GREB1: variants seen among roughly 807,000 people sequenced by gnomAD.
GREB1 encodes the protein protein GREB1.
In GREB1, 106 loss-of-function variants were observed where a neutral mutation model predicts 200.7. That is an observed-to-expected ratio of 0.53 (90% CI 0.45 to 0.62). GREB1 has a LOEUF of 0.62. Ranked by LOEUF, GREB1 falls within the 20% of genes least tolerant of loss-of-function variation. The pLI is 0.00. For synonymous variants in GREB1, 1,132 were observed against 1,092.4 expected (o/e 1.04, Z -0.72); for missense variants, 2,243 against 2,556.8 (o/e 0.88, Z 2.65).
At chr2:11,591,645 C>T (rs747999224) in intron 10 of GREB1, 2 of 581,624 alleles carry the variant, frequency 3.4e-6, no homozygotes, top group Non-Finnish European at 6.2e-6. Flanking sequence ...TCTTGGGAAG[C>T]AATCTGATGA....
At position 11,638,757 on chromosome 2, in the gene GREB1, C is replaced by G; in HGVS notation, c.5634C>G (p.Leu1878=). The change falls in exon 32 of 33, where the codon CTC becomes CTG. Residue 1878 remains leucine, a synonymous_variant. Coordinates refer to ENST00000381486, the MANE Select transcript of GREB1 (RefSeq NM_014668.4). ...TGTTCAGTGGGCTGCTGCTGTACCT[C>G]TGTGACTCTTTTGTGGGAGCTAGCT... ...DLLFSGLLLY[L]CDSFVGASFL... 1.9e-6 allele frequency: 3 copies of G among 1,614,220 alleles called. No homozygotes were observed. The highest frequency in any genetic ancestry group is 2.5e-6 in the Non-Finnish European group (3 of 1,180,040).
chr2:11,605,118 C>A (rs1328725880), intron 17 of GREB1, among the ~76,000 whole-genome samples: 1 of 117,216 alleles, frequency 8.5e-6, no homozygotes, highest in African/African-American at 3.0e-5. Context: ...GGGGTACTGT[C>A]TGGAGCTGGG....
At chr2:11,632,164 C>A in intron 27 of GREB1, 51 bp downstream of exon 27, 2 of 1,311,358 alleles carry the variant, frequency 1.5e-6, no homozygotes, top group Non-Finnish European at 2.2e-6. Context: ...TGAACGAACA[C>A]TTGAGAGAGT....
chr2:11,520,025 C>CTA (rs1409738929), intron 1 of GREB1, among the ~76,000 whole-genome samples: 1 of 152,024 alleles, frequency 6.6e-6, no homozygotes, highest in East Asian at 1.9e-4. Context: ...GTGGTCCCAG[C>CTA]TACGCAAGAG....
At chr2:11,522,124 T>A (rs1318824395) in intron 1 of GREB1, among the ~76,000 whole-genome samples, 4 of 152,190 alleles carry the variant, frequency 2.6e-5, no homozygotes, top group Non-Finnish European at 5.9e-5. Context: ...TCTGCACAAC[T>A]CCCAAGTTCC....
intron 26 of GREB1, 78 bp from the exon 27 acceptor site, chr2:11,631,831 A>G (rs1194282971): frequency 9.2e-7 from 1 of 1,084,184 alleles, no homozygotes; most frequent in Non-Finnish European, 1.4e-6. Flanking sequence ...GACGGAAAAT[A>G]CTGCAAAGTC....
chr2:11,515,832 A>T lies in GREB1; in HGVS notation c.-159+33451A>T, dbSNP rs534021403. Among the ~76,000 whole-genome samples, 6 of 152,328 alleles carry T rather than the reference A, an allele frequency of 3.9e-5. No individual in the cohort carries two copies. In the South Asian group the frequency reaches 1.2e-3, roughly 32 times the overall value. The stretch of plus-strand genomic sequence containing the variant: ...TCAGTCTAGTAGGGTTTTGTGAAAC[A>T]CTTCAGACTCCTAGGGGTAGAGTAA... On this transcript the variant is annotated intron_variant, in intron 1 of 2. Transcript: ENST00000628795.
At position 11,598,838 on chromosome 2, in the gene GREB1, C is replaced by G; in HGVS notation, c.2311C>G (p.His771Asp). 1 of 1,614,024 alleles carries G rather than the reference C, an allele frequency of 6.2e-7. No individual in the cohort carries two copies. The highest frequency in any genetic ancestry group is 8.5e-7 in the Non-Finnish European group (1 of 1,179,906). Residue 771 changes from histidine (H) to aspartate (D), a missense_variant, in exon 15 of 33, where the codon CAT becomes GAT. By Grantham distance (81) the His-to-Asp change is moderately conservative (BLOSUM62 -1). Coordinates refer to ENST00000381486, the MANE Select transcript of GREB1 (RefSeq NM_014668.4). ...PHTLFVLIHD[H>D]AHWDLVSSTV... ...TACACTTTTTGTCCTAATCCATGAC[C>G]ATGCGCACTGGGATCTTGTGAGGTT...
At chr2:11,620,132 A>G (rs535136689) in intron 22 of GREB1, among the ~76,000 whole-genome samples, 2 of 152,196 alleles carry the variant, frequency 1.3e-5, no homozygotes, top group Non-Finnish European at 2.9e-5. Context: ...AGATGCTACC[A>G]TGCCCGGCTA....
chr2:11,616,134 T>C (rs7584842), intron 20 of GREB1, among the ~76,000 whole-genome samples: 72,119 of 152,182 alleles, frequency 0.47, 17,668 homozygotes, highest in African/African-American at 0.58. Flanking sequence ...ACCATCTGCT[T>C]CTCTCTACCC....
chr2:11,616,386 AG>A (rs1205152509), intron 20 of GREB1, among the ~76,000 whole-genome samples: 1 of 152,100 alleles, frequency 6.6e-6, no homozygotes, highest in Non-Finnish European at 1.5e-5. Context: ...CTCCTCCACC[AG>A]CTTGCAGCTG....
chr2:11,600,911 G>A lies in GREB1; in HGVS notation c.2445G>A (p.Val815=), dbSNP rs745966891. The change falls in exon 16 of 33, where the codon GTG becomes GTA. Residue 815 remains valine (V), a synonymous_variant. Coordinates refer to ENST00000381486, the MANE Select transcript of GREB1 (RefSeq NM_014668.4). ...CCCCCAACATTGTGACACTTCACGT[G>A]ACCTCCTTCCCGTATGCACTGCAGA... is the stretch of plus-strand genomic sequence containing the variant. ...KEAPNIVTLH[V]TSFPYALQTQ... 5 of 1,614,148 alleles carry A rather than the reference G, an allele frequency of 3.1e-6. No individual in the cohort carries two copies. In the South Asian group the frequency reaches 5.5e-5, roughly 18 times the overall value.
At chr2:11,614,424 G>A (rs911640036) in intron 19 of GREB1, among the ~76,000 whole-genome samples, 1 of 152,108 alleles carries the variant, frequency 6.6e-6, no homozygotes, top group African/African-American at 2.4e-5. Flanking sequence ...ACCACGCCCA[G>A]CCAGATGGTT....
intron 10 of GREB1, chr2:11,591,876 C>A: frequency 3.6e-6 from 1 of 279,260 alleles, no homozygotes; most frequent in Non-Finnish European, 5.5e-6. Context: ...CTGAAAATGG[C>A]ACTGAAACTG....
In GREB1 at chr2:11,548,020, C is replaced by CA. The variant is rs574472907; in HGVS notation, c.-161-8427dup. ...AACCTAGCAAGACCTCTGTCCTTAC[C>CA]AAAAAAAGCTATCTGGGCATGGTGG... is the stretch of plus-strand genomic sequence containing the variant. On this transcript the variant is annotated intron_variant, in intron 1 of 32. Coordinates refer to ENST00000381486, the MANE Select transcript of GREB1 (RefSeq NM_014668.4). The surrounding 1 kb of genome is among the most constrained non-coding windows in gnomAD (Gnocchi z 5.1). Among the ~76,000 whole-genome samples, 62 of 151,888 alleles carry CA rather than the reference C, an allele frequency of 4.1e-4. No individual in the cohort carries two copies. The East Asian group carries it at 8.9e-3, about 22-fold the overall frequency.
chr2:11,551,635 T>C (rs1382188960), intron 1 of GREB1, among the ~76,000 whole-genome samples: 1 of 152,258 alleles, frequency 6.6e-6, no homozygotes, highest in African/African-American at 2.4e-5. Flanking sequence ...CTTGGAGTTT[T>C]CGTGCCTTTG....
chr2:11,590,277 A>G (rs1421645039), intron 10 of GREB1, among the ~76,000 whole-genome samples: 3 of 152,100 alleles, frequency 2.0e-5, no homozygotes, highest in Admixed American at 2.0e-4. Context: ...CCGGGGCACC[A>G]TTCTTGCCCT....
rs1345384439 is a variant in GREB1 at position 11,635,252 on chromosome 2, T to G, written c.5211-18T>G. 6.2e-7 allele frequency: 1 copy of G among 1,612,896 alleles called. No homozygotes were observed. Among genetic ancestry groups the G allele is most frequent in the Non-Finnish European group, 8.5e-7 (1 of 1,179,128 alleles). ...AGCTGTGCCCCATCAGACCCACCCCTCCTCTGGCCCTGAGTAGGTTCCTGT... is the reference window on the plus strand; with the variant it reads ...AGCTGTGCCCCATCAGACCCACCCCGCCTCTGGCCCTGAGTAGGTTCCTGT... On this transcript the variant is annotated intron_variant, in intron 29 of 32. Coordinates refer to ENST00000381486, the MANE Select transcript of GREB1 (RefSeq NM_014668.4).
chr2:11,608,119 C>T (rs971210411), intron 17 of GREB1, among the ~76,000 whole-genome samples: 5 of 152,166 alleles, frequency 3.3e-5, no homozygotes, highest in Non-Finnish European at 7.3e-5. Context: ...GTTTCCATAC[C>T]TGAACCACTC....
Sources: gnomAD v4.1 joint callset for allele counts (sites outside exome capture counted in the v4.1 genomes callset) on GRCh38, gnomAD v4.1.1 for gene constraint, Gnocchi (gnomAD v3.1) non-coding constraint, MANE v1.5 for transcripts, NCBI Gene and HGNC (gene_info 2026-07-23, HGNC 2026-07-21) for gene names.